The following BCAP29 variants were observed in gnomAD, a reference collection of about 807,000 sequenced individuals.
The protein encoded by BCAP29 is B-cell receptor-associated protein 29.
BCAP29 carries 34 observed loss-of-function variants against 31.8 expected under a neutral mutation model. That is an observed-to-expected ratio of 1.07 (90% CI 0.81 to 1.42). The LOEUF (loss-of-function observed/expected upper bound fraction) is 1.42. BCAP29 is among the 40% of genes most tolerant of loss of function. The pLI is 0.00. For synonymous variants in BCAP29, 104 were observed against 91.3 expected (o/e 1.14, Z -0.79); for missense variants, 314 against 269.2 (o/e 1.17, Z -1.16).
At chr7:107,591,227 A>C (rs1203866513) in intron 3 of BCAP29, among the ~76,000 whole-genome samples, 1 of 152,224 alleles carries the variant, frequency 6.6e-6, no homozygotes, top group Non-Finnish European at 1.5e-5. Context: ...GAAACCCAAC[A>C]GGCATTTTTG....
rs146924545 is a variant in BCAP29 at position 107,597,802 on chromosome 7, G to A, written c.480+1800G>A. Among the ~76,000 whole-genome samples the A allele has an allele frequency of 1.2e-3, 187 of 152,220 alleles. 1 individual carries two copies. The highest frequency in any genetic ancestry group is 4.1e-3 in the African/African-American group (170 of 41,530). ...TGTTATCTGATAGAACAATTTCCAC[G>A]TGGTACCTATGACCACTTTCTGTTC... On this transcript the variant is annotated intron_variant, in intron 5 of 7. Coordinates refer to ENST00000005259, the MANE Select transcript of BCAP29 (RefSeq NM_018844.4).
intron 3 of BCAP29, among the ~76,000 whole-genome samples, chr7:107,593,395 C>A (rs1364051781): frequency 6.6e-6 from 1 of 152,254 alleles, no homozygotes; most frequent in Non-Finnish European, 1.5e-5. Context: ...CTATCTGAAC[C>A]TTTCCAGTAG....
intron 3 of BCAP29, among the ~76,000 whole-genome samples, chr7:107,591,186 A>G (rs1023429711): frequency 6.6e-6 from 1 of 152,226 alleles, no homozygotes; most frequent in African/African-American, 2.4e-5. Flanking sequence ...TGTTCTTCCA[A>G]AATTCTACGG....
chr7:107,620,487 G>A (rs982684581), downstream of BCAP29: 1 of 152,092 alleles, frequency 6.6e-6, no homozygotes, highest in Non-Finnish European at 1.5e-5. Context: ...GAGTTATGTT[G>A]CATATTAAAT....
chr7:107,585,860 G>A (rs1008174432), intron 3 of BCAP29, among the ~76,000 whole-genome samples: 23 of 152,162 alleles, frequency 1.5e-4, no homozygotes, highest in African/African-American at 1.4e-4. Context: ...GCATGGGGGC[G>A]CGTGCCTGTA....
At chr7:107,595,788 G>A (rs1809701056) in intron 4 of BCAP29, 79 bp from the exon 5 acceptor site, 1 of 1,432,204 alleles carries the variant, frequency 7.0e-7, no homozygotes, top group East Asian at 2.4e-5. Context: ...ATCTAATGGG[G>A]AGTAATTTGG....
downstream of BCAP29, chr7:107,622,409 C>A (rs1207319455): frequency 6.5e-6 from 1 of 153,740 alleles, no homozygotes; most frequent in Non-Finnish European, 1.4e-5. Context: ...ACACCTGTTT[C>A]TTTTTGTTGT....
downstream of BCAP29, chr7:107,620,544 G>A (rs1814865118): frequency 6.6e-6 from 1 of 152,094 alleles, no homozygotes; most frequent in Non-Finnish European, 1.5e-5. Flanking sequence ...GTCTTAGGCT[G>A]TATTATAAAT....
Position 107,580,802 on chromosome 7 carries a change from C to G in BCAP29, c.30C>G (p.Thr10=), listed in dbSNP as rs1231952327. The G allele has an allele frequency of 6.3e-7, 1 of 1,597,730 alleles. No individual in the cohort carries two copies. The highest frequency in any genetic ancestry group is 8.5e-7 in the Non-Finnish European group (1 of 1,173,450). ...CACTCCAATGGGCTGCAGTGGCAAC[C>G]TTTCTTTATGCCGAAATAGGACTCA... MTLQWAAVA[T]FLYAEIGLIL... is the part of the protein sequence containing the mutation. Residue 10 remains threonine (T), a synonymous_variant, in exon 2 of 8, where the codon ACC becomes ACG. Coordinates refer to ENST00000005259, the MANE Select transcript of BCAP29 (RefSeq NM_018844.4).
At chr7:107,599,266 ATATATT>A (rs1222374714) in intron 5 of BCAP29, among the ~76,000 whole-genome samples, 4 of 122,410 alleles carry the variant, frequency 3.3e-5, no homozygotes, top group African/African-American at 1.3e-4. Context: ...ATTTTTATAT[ATATATT>A]TATATATAAT....
Position 107,600,502 on chromosome 7 carries a change from G to A in BCAP29, c.586G>A (p.Asp196Asn). The change falls in exon 6 of 8, where the codon GAT becomes AAT. Residue 196 changes from aspartate (D) to asparagine (N), a missense_variant. Physicochemically the swap from Asp to Asn is conservative, Grantham distance 23. Coordinates refer to ENST00000005259, the MANE Select transcript of BCAP29 (RefSeq NM_018844.4). Reference sequence around the variant, plus strand: ...GAAAACTGAATTAAGGAAGACTTCAGATGGTAACTTTGTGTACATGTGAAA... The same window carrying A: ...GAAAACTGAATTAAGGAAGACTTCAAATGGTAACTTTGTGTACATGTGAAA... The part of the protein sequence containing the change: ...KLKTELRKTS[D>N]ALSKAQNDVM... The A allele has an allele frequency of 6.4e-7, 1 of 1,563,308 alleles. No homozygotes were observed. The highest frequency in any genetic ancestry group is 8.8e-7 in the Non-Finnish European group (1 of 1,136,968).
chr7:107,586,638 T>C (rs1043383137), intron 3 of BCAP29, among the ~76,000 whole-genome samples: 1 of 152,136 alleles, frequency 6.6e-6, no homozygotes, highest in Non-Finnish European at 1.5e-5. Flanking sequence ...GCTTAATTTA[T>C]ATTTTACTTG....
intron 7 of BCAP29, among the ~76,000 whole-genome samples, chr7:107,616,800 A>G (rs1246258433): frequency 6.6e-6 from 1 of 152,084 alleles, no homozygotes; most frequent in Non-Finnish European, 1.5e-5. Context: ...GTTCAGTGGC[A>G]CAATCTCAGC....
Position 107,605,633 on chromosome 7 carries a change from A to G in BCAP29, c.589+5128A>G, listed in dbSNP as rs188982150. Among the ~76,000 whole-genome samples the G allele has an allele frequency of 1.4e-4, 22 of 152,358 alleles. No homozygotes were observed. In the East Asian group the frequency reaches 3.7e-3, roughly 25 times the overall value. On this transcript the variant is annotated intron_variant, in intron 6 of 7. Transcript: ENST00000005259. ...GGTCTGTTTGAAGTCGATGTGTCACACTAGGTGCAGTGAATGATTGTGCTG... is the reference window on the plus strand; with the variant it reads ...GGTCTGTTTGAAGTCGATGTGTCACGCTAGGTGCAGTGAATGATTGTGCTG...
chr7:107,585,685 T>C (rs373515004), intron 3 of BCAP29, among the ~76,000 whole-genome samples: 4 of 152,258 alleles, frequency 2.6e-5, no homozygotes, highest in African/African-American at 9.6e-5. Context: ...ATAAGTTCTT[T>C]TGGTTACATT....
chr7:107,580,844 A>G lies in BCAP29; in HGVS notation c.72A>G (p.Leu24=). The change falls in exon 2 of 8, where the codon CTA becomes CTG. Residue 24 remains leucine, a synonymous_variant. Coordinates refer to ENST00000005259, the MANE Select transcript of BCAP29 (RefSeq NM_018844.4). ...TAGGACTCATTTTAATCTTCTGCCT[A>G]CCTTTTATTCCTCCTCAGAGGTAGG... is the stretch of plus-strand genomic sequence containing the variant. ...AEIGLILIFC[L]PFIPPQRWQK... 1 of 1,591,762 alleles carries G rather than the reference A, an allele frequency of 6.3e-7. No homozygotes were observed. Among genetic ancestry groups the G allele is most frequent in the South Asian group, 1.1e-5 (1 of 87,842 alleles).
intron 5 of BCAP29, among the ~76,000 whole-genome samples, chr7:107,599,520 T>TA (rs1810757405): frequency 7.3e-6 from 1 of 136,478 alleles, no homozygotes. Flanking sequence ...ACCCTGTTTC[T>TA]TAAAAAAAAA....
At chr7:107,601,517 T>A (rs1250627737) in intron 6 of BCAP29, among the ~76,000 whole-genome samples, 2 of 152,180 alleles carry the variant, frequency 1.3e-5, no homozygotes, top group Non-Finnish European at 2.9e-5. Flanking sequence ...AAAAATAAAT[T>A]ACCCTTATAG....
chr7:107,605,093 C>T (rs889346688), intron 6 of BCAP29, among the ~76,000 whole-genome samples: 2 of 152,102 alleles, frequency 1.3e-5, no homozygotes, highest in African/African-American at 4.8e-5. Flanking sequence ...CTGTTTGGTT[C>T]CCTGTTACAT....
Sources: allele counts gnomAD v4.1 joint callset (sites outside exome capture counted in the v4.1 genomes callset), GRCh38; gene constraint gnomAD v4.1.1; transcripts MANE v1.5; gene names NCBI Gene and HGNC (gene_info 2026-07-23, HGNC 2026-07-21).